SPAG16: variants seen among roughly 807,000 people sequenced by gnomAD.
SPAG16 encodes the protein sperm-associated antigen 16 protein.
A neutral mutation model predicts 80.4 loss-of-function variants in SPAG16; 86 were observed. The observed-to-expected ratio is 1.07, with a 90% confidence interval of 0.90 to 1.28. SPAG16 has a LOEUF of 1.28. Ranked by LOEUF, SPAG16 falls within the 50% of genes most tolerant of loss-of-function variation. The probability of loss-of-function intolerance (pLI) is 0.00; values close to 1 mark genes in which losing one functional copy is unlikely to be tolerated. For missense variants in SPAG16, 870 were observed against 765.3 expected, an observed-to-expected ratio of 1.14 and a Z score of -1.61; for synonymous variants, 294 against 265.9, an observed-to-expected ratio of 1.11 and a Z score of -1.03.
chr2:214,075,607 A>C (rs1314714744), intron 13 of SPAG16, among the ~76,000 whole-genome samples: 2 of 152,206 alleles, frequency 1.3e-5, no homozygotes, highest in Non-Finnish European at 2.9e-5. Context: ...AATAAAACAG[A>C]AATATGCAGA....
intron 1 of SPAG16, among the ~76,000 whole-genome samples, chr2:213,294,625 C>T (rs1559379354): frequency 6.6e-6 from 1 of 152,152 alleles, no homozygotes; most frequent in Non-Finnish European, 1.5e-5. Flanking sequence ...GACCTTTTGA[C>T]AGATACCTGG....
At chr2:214,096,490 A>AT (rs2052600648) in intron 13 of SPAG16, among the ~76,000 whole-genome samples, 1 of 151,962 alleles carries the variant, frequency 6.6e-6, no homozygotes, top group South Asian at 2.1e-4. Context: ...AGGTGATTGG[A>AT]ATATATATAT....
At chr2:213,292,682 A>ACAACAAC (rs368366898) in intron 1 of SPAG16, among the ~76,000 whole-genome samples, 25,136 of 133,302 alleles carry the variant, frequency 0.19, 3,730 homozygotes, top group Non-Finnish European at 0.28. Flanking sequence ...AAAACAAAAA[A>ACAACAAC]AACAAAAAAA....
chr2:213,286,226 A>G (rs375216919), intron 1 of SPAG16, among the ~76,000 whole-genome samples: 1 of 152,202 alleles, frequency 6.6e-6, no homozygotes, highest in East Asian at 1.9e-4. Context: ...TTAGGATTTT[A>G]CTAACCGTTG....
At chr2:213,974,318 A>T (rs1008892510) in intron 12 of SPAG16, among the ~76,000 whole-genome samples, 1 of 152,224 alleles carries the variant, frequency 6.6e-6, no homozygotes, top group African/African-American at 2.4e-5. Flanking sequence ...TGTATATTAC[A>T]TACATAAAAT....
At chr2:213,324,692 ACTG>A (rs2063769112) in intron 5 of SPAG16, among the ~76,000 whole-genome samples, 1 of 152,108 alleles carries the variant, frequency 6.6e-6, no homozygotes, top group Non-Finnish European at 1.5e-5. Flanking sequence ...TAAAGATAAA[ACTG>A]CTGTGAACAT....
intron 10 of SPAG16, among the ~76,000 whole-genome samples, chr2:213,742,781 G>C (rs2067627877): frequency 6.6e-6 from 1 of 151,754 alleles, no homozygotes; most frequent in Non-Finnish European, 1.5e-5. Context: ...CTGAACCCCT[G>C]ACCTCAGGTG....
At chr2:213,292,652 A>G (rs867095616) in intron 1 of SPAG16, among the ~76,000 whole-genome samples, 3 of 134,016 alleles carry the variant, frequency 2.2e-5, no homozygotes, top group Non-Finnish European at 4.9e-5. Context: ...CGACAGAGCG[A>G]GACTCCGTCT....
At chr2:213,292,907 C>T (rs190341773) in intron 1 of SPAG16, among the ~76,000 whole-genome samples, 2 of 152,160 alleles carry the variant, frequency 1.3e-5, no homozygotes, top group Admixed American at 6.5e-5. Context: ...AAATGCTTTA[C>T]ATATATTGAC....
intron 10 of SPAG16, among the ~76,000 whole-genome samples, chr2:213,637,263 C>T (rs1335550936): frequency 6.6e-6 from 1 of 152,154 alleles, no homozygotes; most frequent in Non-Finnish European, 1.5e-5. Flanking sequence ...CATTTATTGA[C>T]TTGCATATTT....
chr2:213,360,759 T>G (rs2065935911), intron 7 of SPAG16, among the ~76,000 whole-genome samples: 1 of 152,236 alleles, frequency 6.6e-6, no homozygotes. Flanking sequence ...AGAAAATATC[T>G]TAAAATATGT....
intron 15 of SPAG16, among the ~76,000 whole-genome samples, chr2:214,255,127 A>G (rs1333289979): frequency 6.6e-6 from 1 of 152,076 alleles, no homozygotes; most frequent in Non-Finnish European, 1.5e-5. Flanking sequence ...TTTTCACTAT[A>G]TCAAAGTTAC....
chr2:213,622,804 A>C (rs1030314987), intron 10 of SPAG16, among the ~76,000 whole-genome samples: 3 of 151,524 alleles, frequency 2.0e-5, no homozygotes, highest in African/African-American at 7.3e-5. Context: ...TAGGAGTGCC[A>C]CTTGGGCCTT....
chr2:213,612,746 C>T (rs186170480), intron 10 of SPAG16, among the ~76,000 whole-genome samples: 60 of 152,212 alleles, frequency 3.9e-4, no homozygotes, highest in African/African-American at 1.4e-3. Context: ...TGCCAAGGCC[C>T]CGTTTCAGCT....
chr2:214,346,173 C>G (rs1406534503), intron 15 of SPAG16, among the ~76,000 whole-genome samples: 2 of 152,180 alleles, frequency 1.3e-5, no homozygotes, highest in Non-Finnish European at 2.9e-5. Flanking sequence ...CACATGCTTT[C>G]AAAAACAGTT....
chr2:214,160,344 T>C (rs911923625), intron 15 of SPAG16, among the ~76,000 whole-genome samples: 1 of 151,982 alleles, frequency 6.6e-6, no homozygotes, highest in African/African-American at 2.4e-5. Context: ...CTTGTATTTA[T>C]ACTACTTTAG....
At chr2:214,092,134 G>A (rs1312648355) in intron 13 of SPAG16, among the ~76,000 whole-genome samples, 1 of 152,064 alleles carries the variant, frequency 6.6e-6, no homozygotes, top group Non-Finnish European at 1.5e-5. Flanking sequence ...TTATTTTCTT[G>A]ATGAGCAGTC....
chr2:214,014,820 C>T (rs143049126), intron 13 of SPAG16, among the ~76,000 whole-genome samples: 36 of 152,240 alleles, frequency 2.4e-4, no homozygotes, highest in African/African-American at 8.7e-4. Flanking sequence ...ATCGGATTTA[C>T]CTTGTCAACT....
chr2:214,178,786 G>C (rs1346089356), intron 15 of SPAG16, among the ~76,000 whole-genome samples: 1 of 151,188 alleles, frequency 6.6e-6, no homozygotes, highest in African/African-American at 2.4e-5. Context: ...AAAACATTTT[G>C]ATGATTTTTA....
Sources: allele counts gnomAD v4.1 joint callset (sites outside exome capture counted in the v4.1 genomes callset), GRCh38; gene constraint gnomAD v4.1.1; transcripts MANE v1.5; gene names NCBI Gene and HGNC (gene_info 2026-07-23, HGNC 2026-07-21).